Variants in SF3A1 observed in about 807,000 individuals in gnomAD.
SF3A1 encodes the protein splicing factor 3a subunit 1.
A neutral mutation model predicts 89.9 loss-of-function variants in SF3A1; 13 were observed. The observed-to-expected ratio is 0.14, with a 90% confidence interval of 0.09 to 0.23. SF3A1 has a LOEUF of 0.23. Ranked by LOEUF, SF3A1 falls within the 10% of genes least tolerant of loss-of-function variation. The pLI is 1.00. For synonymous variants in SF3A1, 405 were observed against 374.4 expected (o/e 1.08, Z -0.94); for missense variants, 604 against 1,022.1 (o/e 0.59, Z 5.58).
At chr22:30,349,458 T>A (rs1422021571) in intron 2 of SF3A1, among the ~76,000 whole-genome samples, 1 of 152,042 alleles carries the variant, frequency 6.6e-6, no homozygotes, top group Non-Finnish European at 1.5e-5. Flanking sequence ...TTTTTTGTAT[T>A]TTTAGTAGAG....
rs776607785 is a variant in SF3A1, at chr22:30,353,042, C to A, written c.94G>T (p.Asp32Tyr). Reference sequence around the variant, plus strand: ...ACAACTGGCTTAGAAGGTGCAGAATCCTCCTTTGAAGATGCTTCTTCTTCT... The same window carrying A: ...ACAACTGGCTTAGAAGGTGCAGAATACTCCTTTGAAGATGCTTCTTCTTCT... ...PTEEEASSKEDSAPSKPVVGI... is the reference protein window; with the variant it reads ...PTEEEASSKEYSAPSKPVVGI... The change falls in exon 2 of 16, where the codon GAT (aspartate) becomes TAT (tyrosine). Residue 32 changes from aspartate to tyrosine, a missense_variant. This residue lies in a region of SF3A1 where 55 missense variants were observed against 43.8 expected (regional missense o/e 1.25). Transcript: ENST00000215793. 1.9e-6 allele frequency: 3 copies of A among 1,614,034 alleles called. No individual in the cohort carries two copies. The highest frequency in any genetic ancestry group is 1.7e-6 in the Non-Finnish European group (2 of 1,180,010).
rs189561491 is a variant in SF3A1 at position 30,336,939 on chromosome 22, G to A, written c.2106+87C>T. ...GGCCCCAGAAGCCAAGACTGGGAGT[G>A]AAATAGGGTCAGTTTCGCAAGTGTA... On this transcript the variant is annotated intron_variant, in intron 13 of 15. Coordinates refer to ENST00000215793, the MANE Select transcript of SF3A1 (RefSeq NM_005877.6). 1.1e-5 allele frequency: 17 copies of A among 1,521,892 alleles called. No individual in the cohort carries two copies. In the East Asian group the frequency reaches 1.4e-4, roughly 12 times the overall value. 94.3% of individuals were successfully genotyped at this position (1,521,892 alleles called of 1,614,324 possible). A position where few individuals can be genotyped will look rare whatever the true frequency, so the allele number is the denominator to read the frequency against.
At chr22:30,344,875 A>G (rs1931371582) in intron 4 of SF3A1, 58 bp downstream of exon 4, 1 of 1,580,006 alleles carries the variant, frequency 6.3e-7, no homozygotes, top group Admixed American at 1.7e-5. Context: ...AGTGCTTCCA[A>G]GCATAAGATG....
At chr22:30,338,449 A>C (rs1931145269) in intron 11 of SF3A1, among the ~76,000 whole-genome samples, 1 of 139,082 alleles carries the variant, frequency 7.2e-6, no homozygotes, top group African/African-American at 2.7e-5. Flanking sequence ...CAAGAGCAAA[A>C]CTTCATCTCA....
At chr22:30,343,532 C>T (rs1479995820) in intron 4 of SF3A1, among the ~76,000 whole-genome samples, 1 of 152,210 alleles carries the variant, frequency 6.6e-6, no homozygotes, top group East Asian at 1.9e-4. Flanking sequence ...GTGGCTCGGC[C>T]CTATCCCAAT....
Position 30,356,780 on chromosome 22 carries a change from G to T in SF3A1, c.13C>A (p.Pro5Thr), listed in dbSNP as rs1371824484. 1.4e-6 allele frequency: 2 copies of T among 1,435,692 alleles called. No homozygotes were observed. The highest frequency in any genetic ancestry group is 1.8e-6 in the Non-Finnish European group (2 of 1,086,052). The allele number at this position is 1,435,692 out of a possible 1,614,324, so 88.9% of individuals were successfully genotyped here. Reference protein sequence around the residue: MPAGPVQAVPPPPPV... With the variant: MPAGTVQAVPPPPPV... ...GGCGGCGGGGGCACCGCCTGCACGG[G>T]TCCGGCCGGCATGACTGCGACGCTC... The change falls in exon 1 of 16, where the codon CCC becomes ACC. Residue 5 changes from proline (P) to threonine (T), a missense_variant. Physicochemically the swap from Pro to Thr is conservative, Grantham distance 38. Transcript: ENST00000215793.
In SF3A1 at chr22:30,332,221, TGGTTCTGATCATTA is replaced by T. The variant is rs1930940150; in HGVS notation, c.*2359_*2372del. The T allele has an allele frequency of 1.3e-5, 2 of 152,224 alleles. No individual in the cohort carries two copies. The allele number at this position is 152,224 out of a possible 1,614,324, so 9.4% of individuals were successfully genotyped here. A position where few individuals can be genotyped will look rare whatever the true frequency, so the allele number is the denominator to read the frequency against. The stretch of plus-strand genomic sequence containing the variant: ...CAATATTATTAATTTTAAAGTAAAA[TGGTTCTGATCATTA>T]CTGGCCTCCTCTAAGAGTACATGAC... On this transcript the variant is annotated 3_prime_UTR_variant, in exon 16 of 16. Transcript: ENST00000215793.
chr22:30,356,337 G>A (rs1931837949), intron 1 of SF3A1, among the ~76,000 whole-genome samples: 1 of 152,260 alleles, frequency 6.6e-6, no homozygotes, highest in Non-Finnish European at 1.5e-5. Context: ...TGGGAAATTA[G>A]CCATTACTGG....
intron 15 of SF3A1, among the ~76,000 whole-genome samples, chr22:30,334,959 GCT>G (rs1401479665): frequency 1.3e-5 from 2 of 152,192 alleles, no homozygotes; most frequent in African/African-American, 4.8e-5. Context: ...ACTCCATGGA[GCT>G]CTGACTCTGA....
At chr22:30,344,777 A>T in intron 4 of SF3A1, 156 bp downstream of exon 4, 1 of 854,168 alleles carries the variant, frequency 1.2e-6, no homozygotes, top group Non-Finnish European at 1.8e-6. Context: ...CTGAATAGAA[A>T]TCAAGGTTTT....
intron 9 of SF3A1, among the ~76,000 whole-genome samples, chr22:30,339,627 G>A (rs562272795): frequency 5.9e-5 from 9 of 152,102 alleles, no homozygotes; most frequent in South Asian, 2.1e-4. Context: ...GTGGTGGTGC[G>A]TGCCTGTAAT....
Position 30,340,290 on chromosome 22 carries a change from T to C in SF3A1, c.1281A>G (p.Glu427=). 8 of 1,613,446 alleles carry C rather than the reference T, an allele frequency of 5.0e-6. No individual in the cohort carries two copies. Among genetic ancestry groups the C allele is most frequent in the South Asian group, 1.1e-5 (1 of 91,002 alleles). The stretch of plus-strand genomic sequence containing the variant: ...GGTCAAGAAGTCCAATGCGCATGTG[T>C]TCCTGCATTTTGCTGGCGGGGATCT... ...GEKIPASKMQ[E]HMRIGLLDPR... The change falls in exon 9 of 16, where the codon GAA becomes GAG. Residue 427 remains glutamate (E), a synonymous_variant. Transcript: ENST00000215793.
In SF3A1 at chr22:30,341,656, G is replaced by T. The variant is rs1569171765; in HGVS notation, c.1071+36C>A. 3 of 1,587,678 alleles carry T rather than the reference G, an allele frequency of 1.9e-6. No individual in the cohort carries two copies. The East Asian group carries it at 6.7e-5, about 36-fold the overall frequency. On this transcript the variant is annotated intron_variant, in intron 7 of 15. Coordinates refer to ENST00000215793, the MANE Select transcript of SF3A1 (RefSeq NM_005877.6). ...ACTTCGACCTCCTGGGGCTTCAGGG[G>T]AAAAGGTCATCCTGCAGGCCTGCCC...
Position 30,335,508 on chromosome 22 carries a change from C to T in SF3A1, c.2239G>A (p.Ala747Thr), listed in dbSNP as rs1161526123. The T allele has an allele frequency of 1.2e-6, 2 of 1,614,116 alleles. No individual in the cohort carries two copies. The highest frequency in any genetic ancestry group is 1.7e-6 in the Non-Finnish European group (2 of 1,180,046). Residue 747 changes from alanine (A) to threonine (T), a missense_variant, in exon 15 of 16, where the codon GCC becomes ACC. Physicochemically the swap from Ala to Thr is moderately conservative, Grantham distance 58. Around this residue, in one of 9 missense-constraint regions of SF3A1, gnomAD observed 74 missense variants for 141.3 expected, o/e 0.52. Transcript: ENST00000215793. ...VSVIKVKIHE[A>T]TGMPAGKQKL... is the part of the protein sequence containing the mutation. ...TGTTTCCCTGCAGGCATGCCTGTGGCTTCATGAATCTTCACCTTAATGACA... is the reference window on the plus strand; with the variant it reads ...TGTTTCCCTGCAGGCATGCCTGTGGTTTCATGAATCTTCACCTTAATGACA...
At chr22:30,355,624 C>T (rs1308282779) in intron 1 of SF3A1, among the ~76,000 whole-genome samples, 1 of 152,210 alleles carries the variant, frequency 6.6e-6, no homozygotes, top group African/African-American at 2.4e-5. Context: ...CATCTCCTGC[C>T]ACTACGCTCC....
chr22:30,338,907 T>C lies in SF3A1; in HGVS notation c.1625A>G (p.Lys542Arg). ...AKGLVPEDDT[K>R]EKIGPSKPNE... Reference sequence around the variant, plus strand: ...GGGCTTGCTGGGGCCAATCTTCTCTTTAGTGTCATCCTCTGGCACCAGGCC... The same window carrying C: ...GGGCTTGCTGGGGCCAATCTTCTCTCTAGTGTCATCCTCTGGCACCAGGCC... Residue 542 changes from lysine to arginine, a missense_variant, in exon 11 of 16, where the codon AAA becomes AGA. Coordinates refer to ENST00000215793, the MANE Select transcript of SF3A1 (RefSeq NM_005877.6). 1 of 1,614,182 alleles carries C rather than the reference T, an allele frequency of 6.2e-7. No homozygotes were observed. The highest frequency in any genetic ancestry group is 8.5e-7 in the Non-Finnish European group (1 of 1,180,036).
intron 8 of SF3A1, 138 bp from the exon 9 acceptor site, chr22:30,340,519 G>C: frequency 1.1e-6 from 1 of 943,806 alleles, no homozygotes; most frequent in Non-Finnish European, 1.7e-6. Context: ...AAAGGCACTA[G>C]GGCACCAGAG....
At chr22:30,342,469 G>A in intron 5 of SF3A1, 119 bp from the exon 6 acceptor site, 1 of 1,156,832 alleles carries the variant, frequency 8.6e-7, no homozygotes, top group Non-Finnish European at 1.2e-6. Context: ...TGGAAGTATG[G>A]TTCCAAACTA....
At chr22:30,344,591 T>TA (rs1349190705) in intron 4 of SF3A1, among the ~76,000 whole-genome samples, 1 of 152,188 alleles carries the variant, frequency 6.6e-6, no homozygotes, top group Non-Finnish European at 1.5e-5. Flanking sequence ...AGGCAACTCT[T>TA]AAAGGTTGGC....
Sources: gnomAD v4.1 joint callset for allele counts (sites outside exome capture counted in the v4.1 genomes callset) on GRCh38, gnomAD v4.1.1 for gene constraint, gnomAD v4.1.1 regional missense constraint, MANE v1.5 for transcripts, NCBI Gene and HGNC (gene_info 2026-07-23, HGNC 2026-07-21) for gene names.